The following ATCAY variants were observed in gnomAD, a reference collection of about 807,000 sequenced individuals.
ATCAY encodes ATCAY kinesin light chain interacting caytaxin.
A neutral mutation model predicts 47.7 loss-of-function variants in ATCAY; 22 were observed. The ratio of observed to expected loss-of-function variants is 0.46; its 90% confidence interval spans 0.33 to 0.66. The LOEUF (loss-of-function observed/expected upper bound fraction) is 0.66, where lower values mean the gene tolerates loss of function less well. Among genes scored for constraint, ATCAY ranks in the 30% least tolerant of loss-of-function variants. The pLI, the probability that ATCAY is intolerant of heterozygous loss-of-function variation, is 0.02. For missense variants in ATCAY, 452 were observed against 515.0 expected (o/e 0.88, Z 1.18); for synonymous variants, 216 against 207.6 (o/e 1.04, Z -0.35).
At chr19:3,905,404 A>T in intron 3 of ATCAY, 30 bp from the exon 4 acceptor site, 1 of 1,549,718 alleles carries the variant, frequency 6.5e-7, no homozygotes, top group South Asian at 1.2e-5. Flanking sequence ...GAAAGCAAAG[A>T]TGTTTTCCAT....
chr19:3,900,565 C>T (rs1012149817), intron 2 of ATCAY, among the ~76,000 whole-genome samples: 13 of 152,082 alleles, frequency 8.5e-5, no homozygotes, highest in African/African-American at 1.7e-4. Context: ...GAGATGGAGT[C>T]TCACTCTGTC....
intron 2 of ATCAY, among the ~76,000 whole-genome samples, chr19:3,890,568 C>T (rs1034273801): frequency 5.3e-5 from 8 of 151,904 alleles, no homozygotes; most frequent in African/African-American, 1.7e-4. Flanking sequence ...CGGCCTCCAC[C>T]GATAATTTTA....
chr19:3,894,823 C>T (rs529732998), intron 2 of ATCAY, among the ~76,000 whole-genome samples: 9 of 151,498 alleles, frequency 5.9e-5, no homozygotes, highest in African/African-American at 2.2e-4. Flanking sequence ...GTGGTGCACA[C>T]CTAGGGTCCC....
intron 11 of ATCAY, chr19:3,920,272 A>G: frequency 6.6e-6 from 1 of 150,998 alleles, no homozygotes; most frequent in Non-Finnish European, 1.5e-5. Flanking sequence ...TTGAGCCCGG[A>G]GCTGGAAGCT....
At chr19:3,906,928 A>T (rs985548460) in intron 4 of ATCAY, among the ~76,000 whole-genome samples, 6 of 151,864 alleles carry the variant, frequency 4.0e-5, no homozygotes, top group African/African-American at 1.2e-4. Flanking sequence ...ACCTGAGGTC[A>T]GGAGTTTGAG....
intron 4 of ATCAY, among the ~76,000 whole-genome samples, chr19:3,905,946 G>A (rs2038856656): frequency 1.3e-5 from 2 of 152,144 alleles, no homozygotes; most frequent in East Asian, 1.9e-4. Context: ...GCCGAGGCGG[G>A]CAGATCACGA....
At chr19:3,899,911 G>T (rs1411553135) in intron 2 of ATCAY, among the ~76,000 whole-genome samples, 1 of 152,138 alleles carries the variant, frequency 6.6e-6, no homozygotes, top group African/African-American at 2.4e-5. Context: ...GGCTCATGCT[G>T]TAATTCCAGC....
chr19:3,899,308 CTTTTTTTTTTTT>C lies in ATCAY; in HGVS notation c.78-3167_78-3156del, dbSNP rs146410703. ...GTGGAACAGAAATGAGGGAATAAAT[CTTTTTTTTTTTT>C]TTTTTTTTTTTGAGAGAGAGTCTCA... On this transcript the variant is annotated intron_variant, in intron 2 of 12. Coordinates refer to ENST00000450849, the MANE Select transcript of ATCAY (RefSeq NM_033064.5). 3.7e-5 allele frequency among the ~76,000 whole-genome samples: 4 copies of C among 106,934 alleles called. No individual in the cohort carries two copies. In the Admixed American group the frequency reaches 4.4e-4, roughly 12 times the overall value. The allele number at this position is 106,934 out of a possible 152,430, so 70.2% of individuals were successfully genotyped here. A position where few individuals can be genotyped will look rare whatever the true frequency, so the allele number is the denominator to read the frequency against.
intron 2 of ATCAY, among the ~76,000 whole-genome samples, chr19:3,901,240 T>G (rs2145238122): frequency 6.6e-6 from 1 of 152,318 alleles, no homozygotes; most frequent in South Asian, 2.1e-4. Flanking sequence ...GTACATAAAC[T>G]ATTTCCAATT....
chr19:3,908,680 T>G (rs1314110070), intron 6 of ATCAY, among the ~76,000 whole-genome samples: 1 of 50,502 alleles, frequency 2.0e-5, no homozygotes, highest in African/African-American at 6.9e-5. Context: ...CTCCTTCTCC[T>G]CCCCTTCTTC....
chr19:3,908,214 C>A, intron 5 of ATCAY, 54 bp from the exon 6 acceptor site: 1 of 1,460,708 alleles, frequency 6.8e-7, no homozygotes, highest in Non-Finnish European at 9.4e-7. Flanking sequence ...GCGCGGGAGG[C>A]AGCTCAGGGC....
intron 9 of ATCAY, among the ~76,000 whole-genome samples, chr19:3,914,688 G>T (rs2038951730): frequency 6.6e-6 from 1 of 151,982 alleles, no homozygotes; most frequent in African/African-American, 2.4e-5. Flanking sequence ...AGGTGTGGTG[G>T]TGCATGCCTG....
intron 1 of ATCAY, among the ~76,000 whole-genome samples, chr19:3,881,977 G>C (rs145466218): frequency 6.7e-6 from 1 of 150,206 alleles, no homozygotes; most frequent in East Asian, 2.0e-4. Context: ...AGAATCGAGT[G>C]AGAAACGCTC....
intron 12 of ATCAY, among the ~76,000 whole-genome samples, chr19:3,922,714 C>T (rs1263184046): frequency 1.3e-5 from 2 of 152,096 alleles, no homozygotes; most frequent in Non-Finnish European, 2.9e-5. Context: ...TTATCCTTGA[C>T]CACACAGTTT....
In ATCAY at chr19:3,885,778, C is replaced by T. The variant is rs937126056; in HGVS notation, c.11C>T (p.Thr4Ile). Residue 4 changes from threonine (T) to isoleucine (I), a missense_variant, in exon 2 of 13, where the codon ACC (threonine) becomes ATC (isoleucine). Thr to Ile is a moderately conservative substitution (Grantham distance 89). Coordinates refer to ENST00000450849, the MANE Select transcript of ATCAY (RefSeq NM_033064.5). Reference protein sequence around the residue: MGTTEATLRMENVD... With the variant: MGTIEATLRMENVD... ...CTCTTCCCAGCTCCCATGGGGACCA[C>T]CGAAGCCACGCTCCGGATGGAAAAC... 7.1e-6 allele frequency: 11 copies of T among 1,551,382 alleles called. No individual in the cohort carries two copies. In the African/African-American group the frequency reaches 1.2e-4, roughly 17 times the overall value.
At chr19:3,887,721 C>T (rs551116310) in intron 2 of ATCAY, among the ~76,000 whole-genome samples, 31 of 150,324 alleles carry the variant, frequency 2.1e-4, no homozygotes, top group African/African-American at 6.1e-4. Flanking sequence ...CGTCTGACCT[C>T]GTGATCCGCC....
chr19:3,909,518 C>T lies in ATCAY; in HGVS notation c.680C>T (p.Ala227Val). Reference sequence around the variant, plus strand: ...ATCAGCAGCTTAGAGCTCCTGGTGGCTGAGGACTACATGATCGTGTACCTG... The same window carrying T: ...ATCAGCAGCTTAGAGCTCCTGGTGGTTGAGGACTACATGATCGTGTACCTG... ...YVISSLELLVAEDYMIVYLNG... is the reference protein window; with the variant it reads ...YVISSLELLVVEDYMIVYLNG... Residue 227 changes from alanine to valine, a missense_variant, in exon 7 of 13, where the codon GCT becomes GTT. Coordinates refer to ENST00000450849, the MANE Select transcript of ATCAY (RefSeq NM_033064.5). 6.2e-7 allele frequency: 1 copy of T among 1,613,832 alleles called. No homozygotes were observed.
At chr19:3,910,738 C>T in intron 7 of ATCAY, 65 bp from the exon 8 acceptor site, 1 of 1,550,878 alleles carries the variant, frequency 6.4e-7, no homozygotes, top group Admixed American at 1.7e-5. Context: ...CCCGTCCCAC[C>T]CAGCTCCTCC....
chr19:3,895,402 A>G (rs6510775), intron 2 of ATCAY, among the ~76,000 whole-genome samples: 13,709 of 151,888 alleles, frequency 0.09, 1,787 homozygotes, highest in African/African-American at 0.29. Flanking sequence ...TTTAGTAGAG[A>G]TGGGGTTTCA....
Sources: gnomAD v4.1 joint callset for allele counts (sites outside exome capture counted in the v4.1 genomes callset) on GRCh38, gnomAD v4.1.1 for gene constraint, MANE v1.5 for transcripts, NCBI Gene and HGNC (gene_info 2026-07-23, HGNC 2026-07-21) for gene names.